Variants in PRLR observed in about 807,000 individuals in gnomAD.
PRLR encodes prolactin receptor, also known as hPRL receptor.
A neutral mutation model predicts 40.2 loss-of-function variants in PRLR; 13 were observed. The observed-to-expected ratio is 0.32, with a 90% CI of 0.21 to 0.51. The LOEUF is 0.51. PRLR is among the 20% of genes least tolerant of loss of function. The pLI is 0.97. For synonymous variants in PRLR, 269 were observed against 278.7 expected (o/e 0.97, Z 0.35); for missense variants, 656 against 747.3 (o/e 0.88, Z 1.42).
chr5:35,216,058 AG>A (rs1341088407), intron 1 of PRLR, among the ~76,000 whole-genome samples: 2 of 151,846 alleles, frequency 1.3e-5, no homozygotes, highest in Non-Finnish European at 2.9e-5. Context: ...AAAAGGGAAA[AG>A]AAAAAAAAAA....
downstream of PRLR, among the ~76,000 whole-genome samples, chr5:35,055,154 G>C (rs910091775): frequency 2.0e-5 from 3 of 152,170 alleles, no homozygotes; most frequent in Middle Eastern, 3.2e-3. Flanking sequence ...AGTAAAGACT[G>C]AATAATTCCA....
chr5:35,159,014 GACACTTACA>G (rs1214024512), intron 1 of PRLR, among the ~76,000 whole-genome samples: 1 of 152,144 alleles, frequency 6.6e-6, no homozygotes, highest in Non-Finnish European at 1.5e-5. Flanking sequence ...TTAGGTTTCT[GACACTTACA>G]ACCAAAAAGT....
At chr5:35,177,301 G>A (rs143828039) in intron 1 of PRLR, among the ~76,000 whole-genome samples, 1,637 of 151,858 alleles carry the variant, frequency 0.011, 36 homozygotes, top group African/African-American at 0.038. Flanking sequence ...TAAGTCTCTC[G>A]TTCCACCTTA....
intron 1 of PRLR, among the ~76,000 whole-genome samples, chr5:35,205,471 C>A (rs1174938541): frequency 6.6e-6 from 1 of 151,118 alleles, no homozygotes; most frequent in African/African-American, 2.4e-5. Context: ...CATTCTTTGC[C>A]TAAAAACTGT....
At chr5:35,075,659 C>T (rs1427547834) in intron 5 of PRLR, among the ~76,000 whole-genome samples, 2 of 152,204 alleles carry the variant, frequency 1.3e-5, no homozygotes, top group Non-Finnish European at 2.9e-5. Flanking sequence ...CAGACTTAAA[C>T]GTCCCTGTCT....
intron 1 of PRLR, among the ~76,000 whole-genome samples, chr5:35,144,728 T>C (rs566759223): frequency 1.2e-4 from 19 of 152,022 alleles, no homozygotes; most frequent in Non-Finnish European, 2.8e-4. Context: ...CTCCCAAAGT[T>C]CCTCCAATTA....
At chr5:35,066,910 C>T (rs1056746687) in intron 9 of PRLR, among the ~76,000 whole-genome samples, 2 of 151,928 alleles carry the variant, frequency 1.3e-5, no homozygotes, top group African/African-American at 4.8e-5. Flanking sequence ...ACAACAGGCG[C>T]CCACCACCAC....
At chr5:35,214,331 T>C (rs1016113882) in intron 1 of PRLR, among the ~76,000 whole-genome samples, 1 of 152,220 alleles carries the variant, frequency 6.6e-6, no homozygotes, top group African/African-American at 2.4e-5. Flanking sequence ...ACTGTGCCAT[T>C]TGTGGGTGAA....
intron 1 of PRLR, among the ~76,000 whole-genome samples, chr5:35,230,051 G>A (rs1332979461): frequency 6.6e-6 from 1 of 152,068 alleles, no homozygotes; most frequent in African/African-American, 2.4e-5. Flanking sequence ...TAGCCCCTCT[G>A]AGAAGGGACA....
intron 5 of PRLR, among the ~76,000 whole-genome samples, chr5:35,080,374 G>A (rs1293217959): frequency 6.6e-6 from 1 of 152,160 alleles, no homozygotes; most frequent in African/African-American, 2.4e-5. Context: ...TCAAAAAGTT[G>A]GTGAAGGATA....
In PRLR at chr5:35,110,700, C is replaced by G. The variant is rs1772604536; in HGVS notation, c.-44+7361G>C. On this transcript the variant is annotated intron_variant, in intron 2 of 9. Transcript: ENST00000618457. The stretch of plus-strand genomic sequence containing the variant: ...AACCCCATGGGGAATCTTAGCCTTC[C>G]CACCATGTGGCCTGTTAATGTCTTT... Among the ~76,000 whole-genome samples, 3 of 152,168 alleles carry G rather than the reference C, an allele frequency of 2.0e-5. No individual in the cohort carries two copies. In the South Asian group the frequency reaches 6.2e-4, roughly 32 times the overall value.
At chr5:35,099,526 T>C (rs1186982187) in intron 2 of PRLR, among the ~76,000 whole-genome samples, 1 of 152,230 alleles carries the variant, frequency 6.6e-6, no homozygotes, top group Admixed American at 6.5e-5. Context: ...TTTTACAGTG[T>C]ACTCCTTCTA....
At chr5:35,072,542 A>G in intron 6 of PRLR, 33 bp downstream of exon 6, 1 of 1,599,872 alleles carries the variant, frequency 6.3e-7, no homozygotes, top group Admixed American at 1.7e-5. Flanking sequence ...GCCAAAGGCC[A>G]TAGTTCCTTC....
intron 1 of PRLR, among the ~76,000 whole-genome samples, chr5:35,178,398 C>T (rs901467580): frequency 2.0e-5 from 3 of 152,270 alleles, no homozygotes; most frequent in African/African-American, 7.2e-5. Context: ...TGAAGATAGA[C>T]ATATGGCCTA....
At chr5:35,096,740 T>C (rs968182277) in intron 2 of PRLR, among the ~76,000 whole-genome samples, 10 of 151,974 alleles carry the variant, frequency 6.6e-5, no homozygotes, top group Admixed American at 2.6e-4. Context: ...CCTGCCTTAG[T>C]CACCAGAGTA....
intron 2 of PRLR, among the ~76,000 whole-genome samples, chr5:35,091,012 C>T (rs992612579): frequency 6.6e-6 from 1 of 151,688 alleles, no homozygotes; most frequent in East Asian, 1.9e-4. Context: ...CGGGGTTTCA[C>T]CGTGTTAGCC....
chr5:35,206,039 A>G (rs1057465111), intron 1 of PRLR, among the ~76,000 whole-genome samples: 1 of 152,222 alleles, frequency 6.6e-6, no homozygotes, highest in Non-Finnish European at 1.5e-5. Context: ...TGTCAATGTC[A>G]GAAAACTGTT....
chr5:35,107,162 T>C (rs1318868209), intron 2 of PRLR, among the ~76,000 whole-genome samples: 1 of 152,224 alleles, frequency 6.6e-6, no homozygotes, highest in Non-Finnish European at 1.5e-5. Flanking sequence ...GAAAGAAAGA[T>C]GTTCTTTGAA....
At chr5:35,170,257 G>T (rs1210049313) in intron 1 of PRLR, among the ~76,000 whole-genome samples, 1 of 152,164 alleles carries the variant, frequency 6.6e-6, no homozygotes, top group East Asian at 1.9e-4. Flanking sequence ...AACTGATCCT[G>T]CTGGTGGAAA....
Sources: allele counts gnomAD v4.1 joint callset (sites outside exome capture counted in the v4.1 genomes callset), GRCh38; gene constraint gnomAD v4.1.1; transcripts MANE v1.5; gene names NCBI Gene and HGNC (gene_info 2026-07-23, HGNC 2026-07-21).